Variants in CALCOCO2 observed in about 807,000 individuals in gnomAD.
CALCOCO2 encodes calcium-binding and coiled-coil domain-containing protein 2.
In CALCOCO2, 42 loss-of-function variants were observed where a neutral mutation model predicts 62.5. The observed-to-expected ratio is 0.67, with a 90% confidence interval of 0.53 to 0.87. The LOEUF (loss-of-function observed/expected upper bound fraction) is 0.87. Among genes scored for constraint, CALCOCO2 ranks in the 40% least tolerant of loss-of-function variants. The pLI, the probability that CALCOCO2 is intolerant of heterozygous loss-of-function variation, is 0.00. For synonymous variants in CALCOCO2, 167 were observed against 173.0 expected (o/e 0.97, Z 0.27); for missense variants, 456 against 515.0 (o/e 0.89, Z 1.11).
At chr17:48,846,017 C>G (rs1381289813) in intron 2 of CALCOCO2, 2 of 1,312,122 alleles carry the variant, frequency 1.5e-6, no homozygotes, top group Admixed American at 2.2e-5. Context: ...CAAATGCTCT[C>G]CCCAGTGTTC....
intron 2 of CALCOCO2, 137 bp from the exon 3 acceptor site, chr17:48,847,927 T>C (rs1326525583): frequency 1.7e-6 from 1 of 600,144 alleles, no homozygotes; most frequent in Non-Finnish European, 3.0e-6. Context: ...AGTGCTAGGA[T>C]TACAGGCATG....
chr17:48,856,036 C>A, intron 9 of CALCOCO2, 56 bp from the exon 10 acceptor site: 1 of 867,614 alleles, frequency 1.2e-6, no homozygotes, highest in Non-Finnish European at 1.8e-6. Flanking sequence ...AATTTCTCAC[C>A]TTGTACCCAG....
intron 1 of CALCOCO2, among the ~76,000 whole-genome samples, chr17:48,836,051 A>AATCTG (rs1308506979): frequency 6.6e-6 from 1 of 152,094 alleles, no homozygotes; most frequent in Non-Finnish European, 1.5e-5. Context: ...GCACACGGCC[A>AATCTG]GATTGGTTGT....
chr17:48,853,854 A>G (rs980711925), intron 9 of CALCOCO2, among the ~76,000 whole-genome samples: 4 of 152,244 alleles, frequency 2.6e-5, no homozygotes, highest in South Asian at 2.1e-4. Context: ...TGCAGCAGCA[A>G]TAGCTAGAGC....
At chr17:48,848,555 G>A (rs1192620282) in intron 4 of CALCOCO2, 100 bp downstream of exon 4, 6 of 1,069,998 alleles carry the variant, frequency 5.6e-6, no homozygotes, top group East Asian at 2.4e-5. Context: ...AATATCTAAC[G>A]GGTATCATTG....
At chr17:48,854,247 C>T (rs1465156670) in intron 9 of CALCOCO2, among the ~76,000 whole-genome samples, 30 of 114,654 alleles carry the variant, frequency 2.6e-4, no homozygotes, top group African/African-American at 8.4e-4. Context: ...ACCTGGGAGG[C>T]GGAGGGTGCA....
In CALCOCO2 at chr17:48,860,337, A is replaced by G; in HGVS notation, c.1032A>G (p.Arg344=). Residue 344 remains arginine (R), a synonymous_variant, in exon 11 of 13, where the codon AGA becomes AGG. Transcript: ENST00000258947. ...ENDLLKRENS[R]LLSYMGLDFN... ...AGCTTTTGAAGAGGGAGAACAGCAGATTGCTCAGTTACATGGGTCTGGATT... is the reference window on the plus strand; with the variant it reads ...AGCTTTTGAAGAGGGAGAACAGCAGGTTGCTCAGTTACATGGGTCTGGATT... The G allele has an allele frequency of 6.2e-7, 1 of 1,613,822 alleles. No homozygotes were observed.
chr17:48,838,308 G>C (rs2039924986), intron 1 of CALCOCO2, among the ~76,000 whole-genome samples: 1 of 152,110 alleles, frequency 6.6e-6, no homozygotes, highest in Non-Finnish European at 1.5e-5. Flanking sequence ...TAGGTCAGGG[G>C]TCGATCTTTA....
intron 2 of CALCOCO2, among the ~76,000 whole-genome samples, chr17:48,845,483 A>G (rs1318799505): frequency 2.0e-5 from 3 of 150,344 alleles, no homozygotes; most frequent in African/African-American, 7.4e-5. Context: ...TAATCCCAGC[A>G]CTTTAAGAGG....
chr17:48,857,931 C>T (rs535947097), intron 10 of CALCOCO2, among the ~76,000 whole-genome samples: 63 of 146,356 alleles, frequency 4.3e-4, no homozygotes, highest in Middle Eastern at 3.6e-3. Context: ...GAGCCAAGAT[C>T]GTGCCACTGC....
intron 2 of CALCOCO2, among the ~76,000 whole-genome samples, chr17:48,845,602 G>A (rs937241437): frequency 1.3e-5 from 2 of 151,472 alleles, no homozygotes; most frequent in Non-Finnish European, 2.9e-5. Flanking sequence ...GGTGGCACAT[G>A]CCTGTAATCC....
intron 1 of CALCOCO2, among the ~76,000 whole-genome samples, chr17:48,834,099 C>T (rs1377789981): frequency 7.8e-6 from 1 of 127,830 alleles, no homozygotes; most frequent in East Asian, 2.1e-4. Flanking sequence ...CCTGCAAGAC[C>T]CTATGTCAAA....
intron 2 of CALCOCO2, chr17:48,846,014 T>C (rs1386032015): frequency 3.2e-6 from 4 of 1,261,172 alleles, no homozygotes; most frequent in African/African-American, 1.5e-5. Flanking sequence ...CCTCAAATGC[T>C]CTCCCCAGTG....
At chr17:48,835,675 GTCCTTTCTTAAGCGTTCTGCTT>G (rs2039880045) in intron 1 of CALCOCO2, among the ~76,000 whole-genome samples, 1 of 152,188 alleles carries the variant, frequency 6.6e-6, no homozygotes, top group East Asian at 1.9e-4. Flanking sequence ...TATATGTGCT[GTCCTTTCTTAAGCGTTCTGCTT>G]ATGAGCTAAC....
At position 48,864,521 on chromosome 17, in the gene CALCOCO2, GACTGA is replaced by G. The variant is rs2040368986; in HGVS notation, c.*1519_*1523del. 3 of 152,968 alleles carry G rather than the reference GACTGA, an allele frequency of 2.0e-5. No homozygotes were observed. The South Asian group carries it at 6.2e-4, about 32-fold the overall frequency. 9.5% of individuals were successfully genotyped at this position (152,968 alleles called of 1,614,324 possible). Reference sequence around the variant, plus strand: ...TAATTCCATTTTCTATCCCCTCAGGGACTGAACAAATGGAAATAACTCCCAGGCAG... The same window carrying G: ...TAATTCCATTTTCTATCCCCTCAGGGACAAATGGAAATAACTCCCAGGCAG... On this transcript the variant is annotated 3_prime_UTR_variant, in exon 13 of 13. Transcript: ENST00000258947.
chr17:48,841,495 C>G, intron 1 of CALCOCO2: 1 of 450,730 alleles, frequency 2.2e-6, no homozygotes, highest in South Asian at 3.9e-5. Flanking sequence ...AAGATATTGT[C>G]AGAAAATTCT....
Position 48,863,247 on chromosome 17 carries a change from G to A in CALCOCO2, c.*242G>A, listed in dbSNP as rs2040353042. ...CTCTAGCTGTATCATCCTCTCACCTGTCATTCTTCTGAGGGTCTCAGTACA... is the reference window on the plus strand; with the variant it reads ...CTCTAGCTGTATCATCCTCTCACCTATCATTCTTCTGAGGGTCTCAGTACA... On this transcript the variant is annotated 3_prime_UTR_variant, in exon 13 of 13. Coordinates refer to ENST00000258947, the MANE Select transcript of CALCOCO2 (RefSeq NM_005831.5). 4 of 446,342 alleles carry A rather than the reference G, an allele frequency of 9.0e-6. No individual in the cohort carries two copies. The highest frequency in any genetic ancestry group is 1.7e-5 in the Non-Finnish European group (4 of 239,718). 27.6% of individuals were successfully genotyped at this position (446,342 alleles called of 1,614,324 possible).
At chr17:48,832,305 A>C (rs1191651538) in intron 1 of CALCOCO2, among the ~76,000 whole-genome samples, 1 of 152,170 alleles carries the variant, frequency 6.6e-6, no homozygotes, top group East Asian at 1.9e-4. Context: ...GAGGCAGGAG[A>C]ATCGCTTGGA....
At chr17:48,861,661 G>GTATATATATATATATATATATATATA (rs59973644) in intron 11 of CALCOCO2, among the ~76,000 whole-genome samples, 3 of 135,148 alleles carry the variant, frequency 2.2e-5, no homozygotes, top group African/African-American at 8.8e-5. Context: ...ATGTGTGTGT[G>GTATATATATATATATATATATATATA]TATATATATA....
Sources: allele counts gnomAD v4.1 joint callset (sites outside exome capture counted in the v4.1 genomes callset), GRCh38; gene constraint gnomAD v4.1.1; transcripts MANE v1.5; gene names NCBI Gene and HGNC (gene_info 2026-07-23, HGNC 2026-07-21).